Variants in BAZ2B observed in about 807,000 individuals in gnomAD.
BAZ2B encodes bromodomain adjacent to zinc finger domain 2B.
In BAZ2B, 91 loss-of-function variants were observed where a neutral mutation model predicts 246.0. The ratio of observed to expected loss-of-function variants is 0.37; its 90% confidence interval spans 0.31 to 0.44. The LOEUF (loss-of-function observed/expected upper bound fraction) is 0.44, where lower values mean the gene tolerates loss of function less well. Among genes scored for constraint, BAZ2B ranks in the 20% least tolerant of loss-of-function variants. The pLI is 1.00. For synonymous variants in BAZ2B, 855 were observed against 860.0 expected (o/e 0.99, Z 0.10); for missense variants, 2,332 against 2,533.7 (o/e 0.92, Z 1.71).
chr2:159,440,572 A>T (rs970598290), intron 6 of BAZ2B, among the ~76,000 whole-genome samples: 1 of 148,214 alleles, frequency 6.7e-6, no homozygotes, highest in African/African-American at 2.5e-5. Flanking sequence ...GCTGGAGTAC[A>T]GTGGCACGAC....
intron 27 of BAZ2B, 132 bp downstream of exon 27, chr2:159,372,913 G>T: frequency 1.9e-6 from 2 of 1,076,206 alleles, no homozygotes; most frequent in South Asian, 1.7e-5. Flanking sequence ...GAGTGCAAAA[G>T]GAATGAGAAT....
intron 2 of BAZ2B, among the ~76,000 whole-genome samples, chr2:159,518,279 A>AT (rs1559675076): frequency 6.6e-6 from 1 of 152,230 alleles, no homozygotes; most frequent in Non-Finnish European, 1.5e-5. Context: ...TGAGTTTACA[A>AT]TTCAGTTAAA....
chr2:159,348,716 A>G lies in BAZ2B; in HGVS notation c.5255T>C (p.Leu1752Ser). ...KALQKQIQKH[L>S]DYITQACLKN... Reference sequence around the variant, plus strand: ...GAGGCAGGCTTGAGTAATATAATCCAAATGTTTCTGAATTTGTTTTTGTAA... The same window carrying G: ...GAGGCAGGCTTGAGTAATATAATCCGAATGTTTCTGAATTTGTTTTTGTAA... The change falls in exon 30 of 37, where the codon TTG (leucine) becomes TCG (serine). Residue 1752 changes from leucine to serine, a missense_variant. Leu to Ser is a moderately radical substitution (Grantham distance 145, BLOSUM62 -2). This residue lies in a region of BAZ2B where 676 missense variants were observed against 668.6 expected (regional missense o/e 1.01). Coordinates refer to ENST00000392783, the MANE Select transcript of BAZ2B (RefSeq NM_013450.4). 1 of 1,611,440 alleles carries G rather than the reference A, an allele frequency of 6.2e-7. No individual in the cohort carries two copies. The highest frequency in any genetic ancestry group is 8.5e-7 in the Non-Finnish European group (1 of 1,179,390).
At chr2:159,689,651 C>A in the BAZ2B span, 1 of 305,198 alleles carries the variant, frequency 3.3e-6, no homozygotes, top group Non-Finnish European at 6.1e-6. Context: ...GGATTAGAGG[C>A]ATGAGCCACT....
At chr2:159,703,622 G>A in the BAZ2B span, among the ~76,000 whole-genome samples, 1 of 152,132 alleles carries the variant, frequency 6.6e-6, no homozygotes. Context: ...GGTGGCCTGC[G>A]CCTGTAATCC....
intron 31 of BAZ2B, among the ~76,000 whole-genome samples, chr2:159,339,647 G>A (rs2066282553): frequency 6.6e-6 from 1 of 152,152 alleles, no homozygotes; most frequent in South Asian, 2.1e-4. Context: ...ATTCACAATA[G>A]CTAAAATATG....
intron 3 of BAZ2B, among the ~76,000 whole-genome samples, chr2:159,469,258 T>A (rs1338930169): frequency 2.0e-5 from 3 of 151,314 alleles, no homozygotes; most frequent in Non-Finnish European, 4.4e-5. Context: ...AAAGAAAAAA[T>A]CTCTCTACCA....
chr2:159,682,872 C>A, the BAZ2B span, among the ~76,000 whole-genome samples: 2 of 151,160 alleles, frequency 1.3e-5, no homozygotes, highest in Non-Finnish European at 2.9e-5. Context: ...ACCATTTCTT[C>A]TCAAGCATCT....
chr2:159,574,463 T>G (rs944981536), intron 1 of BAZ2B, among the ~76,000 whole-genome samples: 8 of 152,174 alleles, frequency 5.3e-5, no homozygotes, highest in African/African-American at 9.7e-5. Flanking sequence ...GAAAACATTT[T>G]GGCAGTTTCT....
chr2:159,589,876 A>C (rs975818770), intron 1 of BAZ2B, among the ~76,000 whole-genome samples: 2 of 152,112 alleles, frequency 1.3e-5, no homozygotes, highest in African/African-American at 4.8e-5. Context: ...CAAACCTTTA[A>C]GTCAACCAGA....
chr2:159,362,055 T>C (rs1479617620), intron 27 of BAZ2B, among the ~76,000 whole-genome samples: 3 of 151,980 alleles, frequency 2.0e-5, no homozygotes, highest in Non-Finnish European at 4.4e-5. Context: ...TGAATACCTA[T>C]GTAACAAACC....
chr2:159,572,859 A>T (rs935685477), intron 1 of BAZ2B, among the ~76,000 whole-genome samples: 2 of 152,212 alleles, frequency 1.3e-5, no homozygotes, highest in Non-Finnish European at 2.9e-5. Flanking sequence ...GATTAGCATG[A>T]ATGTACCTGC....
At chr2:159,604,955 C>CGCGT (rs1693098459) in intron 1 of BAZ2B, among the ~76,000 whole-genome samples, 1 of 62,220 alleles carries the variant, frequency 1.6e-5, no homozygotes, top group African/African-American at 5.0e-5. Context: ...TGTGTGTGCG[C>CGCGT]GTGTGTGCGC....
chr2:159,494,447 C>T (rs1031457387), intron 2 of BAZ2B, among the ~76,000 whole-genome samples: 1 of 152,056 alleles, frequency 6.6e-6, no homozygotes, highest in Non-Finnish European at 1.5e-5. Flanking sequence ...ACTATTTATA[C>T]ATATAAGTAC....
the BAZ2B span, among the ~76,000 whole-genome samples, chr2:159,651,229 C>T: frequency 6.6e-6 from 1 of 152,082 alleles, no homozygotes; most frequent in East Asian, 1.9e-4. Context: ...AGTATTATGG[C>T]CATCTTAAAA....
chr2:159,508,373 A>G (rs1047013733), intron 2 of BAZ2B, among the ~76,000 whole-genome samples: 4 of 152,186 alleles, frequency 2.6e-5, no homozygotes, highest in African/African-American at 9.7e-5. Flanking sequence ...CATTTAAACT[A>G]CTTATCTAAT....
At chr2:159,509,259 T>C (rs1262518669) in intron 2 of BAZ2B, among the ~76,000 whole-genome samples, 2 of 152,168 alleles carry the variant, frequency 1.3e-5, no homozygotes, top group African/African-American at 2.4e-5. Flanking sequence ...AGGCAACTAA[T>C]AGATATCTTA....
the BAZ2B span, among the ~76,000 whole-genome samples, chr2:159,669,955 T>A: frequency 6.6e-6 from 1 of 152,146 alleles, no homozygotes; most frequent in African/African-American, 2.4e-5. Flanking sequence ...GTTGCAGTAG[T>A]TCCTGTTGCT....
intron 21 of BAZ2B, 152 bp from the exon 22 acceptor site, chr2:159,386,759 G>A: frequency 1.1e-6 from 1 of 880,568 alleles, no homozygotes; most frequent in Non-Finnish European, 1.7e-6. Context: ...TTCTCTGGGG[G>A]CATTTCTGTA....
Sources: allele counts gnomAD v4.1 joint callset (sites outside exome capture counted in the v4.1 genomes callset), GRCh38; gene constraint gnomAD v4.1.1; regional missense constraint gnomAD v4.1.1; transcripts MANE v1.5; gene names NCBI Gene and HGNC (gene_info 2026-07-23, HGNC 2026-07-21).